TLL1: variants seen among roughly 807,000 people sequenced by gnomAD.
TLL1 encodes tolloid like 1, also known as tolloid-like protein 1.
Under a neutral mutation model 128.2 loss-of-function variants are expected in TLL1, and 49 were observed. The ratio of observed to expected loss-of-function variants is 0.38; its 90% CI spans 0.30 to 0.48. The LOEUF (loss-of-function observed/expected upper bound fraction) is 0.48. Among genes scored for constraint, TLL1 ranks in the 20% least tolerant of loss-of-function variants. TLL1 has a pLI of 0.96. For synonymous variants in TLL1, 454 were observed against 418.8 expected, an observed-to-expected ratio of 1.08 and a Z score of -1.03; for missense variants, 1,123 against 1,242.0, an observed-to-expected ratio of 0.90 and a Z score of 1.44.
At chr4:166,085,476 T>G (rs554558451) in intron 18 of TLL1, among the ~76,000 whole-genome samples, 1 of 60,054 alleles carries the variant, frequency 1.7e-5, no homozygotes, top group African/African-American at 1.3e-4. Flanking sequence ...TGTTGAGAGG[T>G]TTTTTTTTTA....
chr4:165,976,624 A>G (rs971557726), intron 1 of TLL1, among the ~76,000 whole-genome samples: 5 of 152,238 alleles, frequency 3.3e-5, no homozygotes, highest in African/African-American at 1.2e-4. Context: ...TATGGGACTA[A>G]TTCTATTAGA....
At chr4:166,012,512 C>A (rs1257536216) in intron 7 of TLL1, among the ~76,000 whole-genome samples, 2 of 151,328 alleles carry the variant, frequency 1.3e-5, no homozygotes, top group African/African-American at 4.8e-5. Flanking sequence ...ACCCCAGAGG[C>A]CACAAATTTG....
chr4:165,998,962 C>T (rs1445899597), intron 5 of TLL1, among the ~76,000 whole-genome samples: 1 of 152,140 alleles, frequency 6.6e-6, no homozygotes, highest in African/African-American at 2.4e-5. Flanking sequence ...CAGGATTCTT[C>T]TTTGCGAACA....
At chr4:166,081,871 C>A (rs1234599368) in intron 18 of TLL1, among the ~76,000 whole-genome samples, 2 of 151,980 alleles carry the variant, frequency 1.3e-5, no homozygotes, top group Non-Finnish European at 2.9e-5. Flanking sequence ...AATAGCAATA[C>A]TCAATCCATT....
At chr4:165,993,191 C>T (rs1470100945) in intron 3 of TLL1, among the ~76,000 whole-genome samples, 1 of 151,698 alleles carries the variant, frequency 6.6e-6, no homozygotes, top group African/African-American at 2.4e-5. Flanking sequence ...TTTTATAAAG[C>T]CTGGATCAAT....
chr4:166,045,767 C>A (rs975417222), intron 12 of TLL1, among the ~76,000 whole-genome samples: 2 of 152,114 alleles, frequency 1.3e-5, no homozygotes, highest in Non-Finnish European at 2.9e-5. Context: ...GAAACACCAA[C>A]CTCACTCCCA....
intron 15 of TLL1, among the ~76,000 whole-genome samples, chr4:166,064,898 A>T (rs745695338): frequency 6.6e-6 from 1 of 152,122 alleles, no homozygotes. Context: ...CCAGGGTTCA[A>T]TCATATGCAT....
intron 19 of TLL1, among the ~76,000 whole-genome samples, chr4:166,094,051 AC>A (rs746202189): frequency 2.6e-5 from 4 of 152,166 alleles, no homozygotes; most frequent in Non-Finnish European, 5.9e-5. Context: ...CTACATAGAC[AC>A]AGTAATAGTC....
intron 1 of TLL1, among the ~76,000 whole-genome samples, chr4:165,927,251 T>G (rs918834003): frequency 6.6e-6 from 1 of 152,214 alleles, no homozygotes; most frequent in Admixed American, 6.5e-5. Flanking sequence ...GTAATTTTAT[T>G]TCCGTAGGCG....
intron 8 of TLL1, among the ~76,000 whole-genome samples, chr4:166,022,347 G>C (rs1178595526): frequency 6.6e-6 from 1 of 152,026 alleles, no homozygotes; most frequent in African/African-American, 2.4e-5. Flanking sequence ...TGTATTTTTA[G>C]TAGAGACGGG....
intron 1 of TLL1, among the ~76,000 whole-genome samples, chr4:165,941,456 A>G (rs1174974217): frequency 6.6e-6 from 1 of 152,146 alleles, no homozygotes; most frequent in Non-Finnish European, 1.5e-5. Flanking sequence ...AGTGCAAGCC[A>G]TTAGAGCATA....
At chr4:166,012,794 A>G (rs903437194) in intron 7 of TLL1, among the ~76,000 whole-genome samples, 1 of 151,690 alleles carries the variant, frequency 6.6e-6, no homozygotes, top group Non-Finnish European at 1.5e-5. Flanking sequence ...CTGTCTTTTC[A>G]GACAATGTAC....
chr4:166,041,661 T>C (rs1389155729), intron 10 of TLL1, among the ~76,000 whole-genome samples: 2 of 152,166 alleles, frequency 1.3e-5, no homozygotes, highest in South Asian at 2.1e-4. Flanking sequence ...TTGAAACCAC[T>C]TTCTTAGGGT....
intron 1 of TLL1, among the ~76,000 whole-genome samples, chr4:165,956,398 G>A (rs537550538): frequency 7.0e-4 from 106 of 151,924 alleles, no homozygotes; most frequent in African/African-American, 1.1e-3. Context: ...TTCCCAGAGC[G>A]GCCGTTTATA....
At chr4:165,978,593 A>G (rs1370474902) in intron 1 of TLL1, among the ~76,000 whole-genome samples, 1 of 152,180 alleles carries the variant, frequency 6.6e-6, no homozygotes, top group African/African-American at 2.4e-5. Context: ...ATACATTTCA[A>G]TGAGGATATA....
At chr4:165,927,727 G>C (rs949972380) in intron 1 of TLL1, among the ~76,000 whole-genome samples, 2 of 152,170 alleles carry the variant, frequency 1.3e-5, no homozygotes, top group African/African-American at 4.8e-5. Context: ...TCACATTTGG[G>C]GGTGGAGTGT....
chr4:165,932,914 G>T (rs1350660671), intron 1 of TLL1, among the ~76,000 whole-genome samples: 1 of 151,980 alleles, frequency 6.6e-6, no homozygotes, highest in African/African-American at 2.4e-5. Context: ...ATTCCAGTTG[G>T]ATATAATACC....
chr4:165,894,309 G>T (rs569266872), intron 1 of TLL1, among the ~76,000 whole-genome samples: 8 of 152,180 alleles, frequency 5.3e-5, no homozygotes, highest in South Asian at 2.1e-4. Context: ...ATTAGAAGAA[G>T]CCAGAGGGAA....
chr4:165,948,804 T>C (rs1296493023), intron 1 of TLL1, among the ~76,000 whole-genome samples: 2 of 152,114 alleles, frequency 1.3e-5, no homozygotes, highest in Non-Finnish European at 2.9e-5. Flanking sequence ...ATTCAAAGCA[T>C]AGCAGTGCTC....
Sources: allele counts gnomAD v4.1 joint callset (sites outside exome capture counted in the v4.1 genomes callset), GRCh38; gene constraint gnomAD v4.1.1; transcripts MANE v1.5; gene names NCBI Gene and HGNC (gene_info 2026-07-23, HGNC 2026-07-21).